NAV2: variants seen among roughly 807,000 people sequenced by gnomAD.
The protein encoded by NAV2 is helicase, APC down-regulated 1.
Under a neutral mutation model 223.2 loss-of-function variants are expected in NAV2, and 54 were observed. That is an observed-to-expected ratio of 0.24 (90% confidence interval 0.19 to 0.30). The LOEUF is 0.30. Ranked by LOEUF, NAV2 falls within the 10% of genes least tolerant of loss-of-function variation. The pLI is 1.00. For synonymous variants in NAV2, 1,279 were observed against 1,239.3 expected, an observed-to-expected ratio of 1.03 and a Z score of -0.67; for missense variants, 2,806 against 3,147.5, an observed-to-expected ratio of 0.89 and a Z score of 2.60.
At chr11:19,848,895 A>C (rs1318816974) in intron 3 of NAV2, among the ~76,000 whole-genome samples, 1 of 152,190 alleles carries the variant, frequency 6.6e-6, no homozygotes, top group African/African-American at 2.4e-5. Flanking sequence ...ATCTCATGTC[A>C]CAGAACACTG....
At chr11:19,428,559 G>A (rs1250290646) in intron 1 of NAV2, among the ~76,000 whole-genome samples, 3 of 152,246 alleles carry the variant, frequency 2.0e-5, no homozygotes, top group Non-Finnish European at 4.4e-5. Flanking sequence ...AATGCAGCTT[G>A]TGTTCTTCCT....
intron 1 of NAV2, among the ~76,000 whole-genome samples, chr11:19,555,666 T>C (rs1341691231): frequency 6.6e-6 from 1 of 152,192 alleles, no homozygotes; most frequent in Non-Finnish European, 1.5e-5. Context: ...GTTCGGGGAC[T>C]CTAGGTTGAA....
intron 1 of NAV2, among the ~76,000 whole-genome samples, chr11:19,483,202 C>G (rs2134012634): frequency 6.6e-6 from 1 of 152,308 alleles, no homozygotes; most frequent in East Asian, 1.9e-4. Context: ...TGTGGTCAAC[C>G]ACAGTCTGAA....
At chr11:19,757,996 C>T (rs976584373) in intron 1 of NAV2, among the ~76,000 whole-genome samples, 2 of 152,080 alleles carry the variant, frequency 1.3e-5, no homozygotes, top group South Asian at 2.1e-4. Context: ...ACCTGGTCTT[C>T]GACAAACCCC....
At chr11:19,359,406 A>G (rs1219802000) in intron 1 of NAV2, among the ~76,000 whole-genome samples, 1 of 152,168 alleles carries the variant, frequency 6.6e-6, no homozygotes, top group African/African-American at 2.4e-5. Flanking sequence ...AGGTCATTTC[A>G]TTGATGTCTG....
chr11:19,820,219 T>G (rs995060255), intron 1 of NAV2, among the ~76,000 whole-genome samples: 1 of 152,234 alleles, frequency 6.6e-6, no homozygotes, highest in Admixed American at 6.5e-5. Flanking sequence ...TGGCACTGAT[T>G]GATGTCTGCT....
chr11:19,468,486 G>A (rs1299655497), intron 1 of NAV2, among the ~76,000 whole-genome samples: 2 of 152,052 alleles, frequency 1.3e-5, no homozygotes, highest in East Asian at 3.9e-4. Context: ...CTTCTCCCTG[G>A]GTGTCTCTGT....
At chr11:19,909,859 C>A (rs765710640) in intron 6 of NAV2, among the ~76,000 whole-genome samples, 1 of 152,040 alleles carries the variant, frequency 6.6e-6, no homozygotes. Context: ...ATGTTACAAA[C>A]GCCTGCCTTA....
In NAV2 at chr11:19,808,274, G is replaced by T. The variant is rs186862546; in HGVS notation, c.268-24210G>T. On this transcript the variant is annotated intron_variant, in intron 1 of 37. Transcript: ENST00000349880. ...CACTGAGGGGCACCAGCTGGAGAGG[G>T]GTTGCATCACCACTCCATGGGGGAA... Among the ~76,000 whole-genome samples the T allele has an allele frequency of 2.3e-3, 347 of 152,250 alleles. 2 individuals carry two copies. Among genetic ancestry groups the T allele is most frequent in the Non-Finnish European group, 2.8e-3 (189 of 68,028 alleles).
intron 1 of NAV2, among the ~76,000 whole-genome samples, chr11:19,811,998 C>T (rs1450242365): frequency 6.6e-6 from 1 of 152,130 alleles, no homozygotes; most frequent in Non-Finnish European, 1.5e-5. Flanking sequence ...TGCATGAGGA[C>T]CACCAGAATG....
At chr11:19,800,631 G>T (rs765737284) in intron 1 of NAV2, among the ~76,000 whole-genome samples, 1 of 151,774 alleles carries the variant, frequency 6.6e-6, no homozygotes, top group East Asian at 1.9e-4. Context: ...ATAGCTTGGC[G>T]ATTATTTGCT....
rs145647757 is a variant in NAV2 at position 19,621,208 on chromosome 11, T to C, written c.76-211276T>C. On this transcript the variant is annotated intron_variant, in intron 1 of 37. Coordinates refer to the NAV2 transcript ENST00000360655. ...TTGCATCGATGTTCATCAGGGATAT[T>C]GGTCTAAAATTCTCTTTTTTTGTTG... Among the ~76,000 whole-genome samples the C allele has an allele frequency of 6.6e-3, 1,002 of 152,312 alleles. 13 individuals carry two copies. Among genetic ancestry groups the C allele is most frequent in the African/African-American group, 0.023 (942 of 41,556 alleles).
Position 19,933,121 on chromosome 11 carries a change from T to C in NAV2, c.932-55T>C. 2.7e-6 allele frequency: 4 copies of C among 1,468,426 alleles called. No individual in the cohort carries two copies. The highest frequency in any genetic ancestry group is 3.6e-6 in the Non-Finnish European group (4 of 1,106,500). The allele number at this position is 1,468,426 out of a possible 1,614,324, so 91.0% of individuals were successfully genotyped here. The stretch of plus-strand genomic sequence containing the variant: ...TGTGGCCATGGCTGACCCTCCCTGG[T>C]CTTCAGTGCAGGTCAACAAGTATGA... On this transcript the variant is annotated intron_variant, in intron 6 of 37. Coordinates refer to ENST00000349880, the MANE Select transcript of NAV2 (RefSeq NM_145117.5). This position sits in a 1 kb window ranked among gnomAD's most constrained non-coding sequence, Gnocchi z 4.3.
chr11:19,665,663 T>C (rs544275982), intron 1 of NAV2, among the ~76,000 whole-genome samples: 1 of 152,330 alleles, frequency 6.6e-6, no homozygotes, highest in South Asian at 2.1e-4. Context: ...AATAGACATT[T>C]GAGGACAAGC....
At chr11:19,955,869 C>T (rs1264093525) in intron 10 of NAV2, among the ~76,000 whole-genome samples, 2 of 152,200 alleles carry the variant, frequency 1.3e-5, no homozygotes, top group Non-Finnish European at 2.9e-5. Flanking sequence ...GTGCTCCTTA[C>T]AGCCTAACGC....
chr11:19,396,573 G>A, intron 1 of NAV2, among the ~76,000 whole-genome samples: 1 of 152,174 alleles, frequency 6.6e-6, no homozygotes, highest in East Asian at 1.9e-4. Context: ...GAAGGAGCAT[G>A]TGCTCTTTCT....
chr11:19,876,650 G>C (rs2062848076), intron 4 of NAV2, among the ~76,000 whole-genome samples: 2 of 152,130 alleles, frequency 1.3e-5, no homozygotes, highest in African/African-American at 4.8e-5. Context: ...ACAATGGTAG[G>C]TAGAGAATAC....
intron 1 of NAV2, among the ~76,000 whole-genome samples, chr11:19,533,807 C>T (rs933580485): frequency 8.2e-5 from 11 of 133,800 alleles, no homozygotes; most frequent in Non-Finnish European, 1.5e-4. Context: ...CCCGGGTTCA[C>T]GCCATTCTCC....
intron 1 of NAV2, among the ~76,000 whole-genome samples, chr11:19,385,675 A>G (rs1174307206): frequency 6.6e-6 from 1 of 151,900 alleles, no homozygotes; most frequent in Non-Finnish European, 1.5e-5. Context: ...AAAGAAATGC[A>G]TATTAATGCA....
Sources: allele counts gnomAD v4.1 joint callset (sites outside exome capture counted in the v4.1 genomes callset), GRCh38; gene constraint gnomAD v4.1.1; non-coding constraint Gnocchi (gnomAD v3.1); transcripts MANE v1.5; gene names NCBI Gene and HGNC (gene_info 2026-07-23, HGNC 2026-07-21).